The following MIB1 variants were observed in gnomAD, a reference collection of about 807,000 sequenced individuals.
MIB1 encodes E3 ubiquitin-protein ligase MIB1.
A neutral mutation model predicts 124.5 loss-of-function variants in MIB1; 278 were observed. The observed-to-expected ratio is 2.23, with a 90% CI of 2.02 to 2.47. MIB1 has a LOEUF of 2.47. MIB1 is among the 30% of genes most tolerant of loss of function. The pLI, the probability that MIB1 is intolerant of heterozygous loss-of-function variation, is 0.00. For missense variants in MIB1, 957 were observed against 1,254.4 expected (o/e 0.76, Z 3.58); for synonymous variants, 446 against 429.4 (o/e 1.04, Z -0.48).
At chr18:21,778,743 T>C (rs891839124) in intron 5 of MIB1, among the ~76,000 whole-genome samples, 2 of 152,146 alleles carry the variant, frequency 1.3e-5, no homozygotes, top group African/African-American at 2.4e-5. Flanking sequence ...TCCAAATCAT[T>C]TGACTTGCCT....
At position 21,801,645 on chromosome 18, in the gene MIB1, T is replaced by C. The variant is rs914714083; in HGVS notation, c.1371+1671T>C. On this transcript the variant is annotated intron_variant, in intron 9 of 20. Coordinates refer to ENST00000261537, the MANE Select transcript of MIB1 (RefSeq NM_020774.4). ...TGGTCTTTCCCAGTCCCTCTTTACC[T>C]TACATGTAATTTTTATATTTTTTCA... Among the ~76,000 whole-genome samples the C allele has an allele frequency of 2.6e-5, 4 of 152,298 alleles. No homozygotes were observed. In the South Asian group the frequency reaches 6.2e-4, roughly 24 times the overall value.
At position 21,866,990 on chromosome 18, in the gene MIB1, T is replaced by A. The variant is rs1477219256; in HGVS notation, c.*2324T>A. 6.6e-6 allele frequency: 1 copy of A among 152,656 alleles called. No individual in the cohort carries two copies. Among genetic ancestry groups the A allele is most frequent in the Non-Finnish European group, 1.5e-5 (1 of 68,044 alleles). The allele number at this position is 152,656 out of a possible 1,614,324, so 9.5% of individuals were successfully genotyped here. Reference sequence around the variant, plus strand: ...TCTCTGAATCTGCTACCTCTTATTATATGTCCCTTAGCAGTACTTTTCCAG... The same window carrying A: ...TCTCTGAATCTGCTACCTCTTATTAAATGTCCCTTAGCAGTACTTTTCCAG... On this transcript the variant is annotated 3_prime_UTR_variant, in exon 21 of 21. Coordinates refer to ENST00000261537, the MANE Select transcript of MIB1 (RefSeq NM_020774.4).
At position 21,768,944 on chromosome 18, in the gene MIB1, G is replaced by A. The variant is rs533298281; in HGVS notation, c.531+192G>A. ...TTTGTAAGCATTGATGTTCCTTAGA[G>A]GGTCATTAGGTAGGTTTTACCTTCC... On this transcript the variant is annotated intron_variant, in intron 3 of 20. Coordinates refer to ENST00000261537, the MANE Select transcript of MIB1 (RefSeq NM_020774.4). Among the ~76,000 whole-genome samples, 4 of 152,224 alleles carry A rather than the reference G, an allele frequency of 2.6e-5. No individual in the cohort carries two copies. The South Asian group carries it at 8.3e-4, about 32-fold the overall frequency.
intron 7 of MIB1, among the ~76,000 whole-genome samples, chr18:21,797,343 A>C (rs926511037): frequency 3.9e-5 from 6 of 152,126 alleles, no homozygotes; most frequent in Non-Finnish European, 5.9e-5. Context: ...TTTCCATAAT[A>C]AAAAGTTGAG....
intron 1 of MIB1, among the ~76,000 whole-genome samples, chr18:21,733,374 C>T (rs926532799): frequency 1.3e-5 from 2 of 152,196 alleles, no homozygotes; most frequent in Non-Finnish European, 2.9e-5. Flanking sequence ...CTCGCCTCAG[C>T]CCCTGAAGTA....
intron 1 of MIB1, among the ~76,000 whole-genome samples, chr18:21,751,053 C>T (rs1373381004): frequency 6.6e-6 from 1 of 151,620 alleles, no homozygotes; most frequent in Non-Finnish European, 1.5e-5. Context: ...TAAAAATTAG[C>T]CCACCATGGT....
chr18:21,791,421 G>C lies in MIB1; in HGVS notation c.956G>C (p.Ser319Thr). ...CTCACTAAAGCGAACATTGTCCGAA[G>C]TGGAGATGCTGCTCAGGGTGCAGAA... ...AVLTKANIVR[S>T]GDAAQGAEGG... Residue 319 changes from serine (S) to threonine (T), a missense_variant, in exon 7 of 21, where the codon AGT (serine) becomes ACT (threonine). Physicochemically the swap from Ser to Thr is moderately conservative, Grantham distance 58. Transcript: ENST00000261537. 6.2e-7 allele frequency: 1 copy of C among 1,613,846 alleles called. No individual in the cohort carries two copies. The highest frequency in any genetic ancestry group is 1.3e-5 in the African/African-American group (1 of 75,038).
At chr18:21,819,209 T>C (rs2041857735) in intron 11 of MIB1, among the ~76,000 whole-genome samples, 1 of 152,192 alleles carries the variant, frequency 6.6e-6, no homozygotes, top group Non-Finnish European at 1.5e-5. Flanking sequence ...GGCTAATTTT[T>C]AAAATTTTTT....
At chr18:21,822,847 C>G (rs2041891075) in intron 12 of MIB1, among the ~76,000 whole-genome samples, 1 of 152,056 alleles carries the variant, frequency 6.6e-6, no homozygotes, top group Non-Finnish European at 1.5e-5. Context: ...CATTTGTAAT[C>G]CCAGCGACTT....
At chr18:21,769,011 T>C (rs778711547) in intron 3 of MIB1, among the ~76,000 whole-genome samples, 27 of 152,296 alleles carry the variant, frequency 1.8e-4, no homozygotes, top group Middle Eastern at 3.4e-3. Flanking sequence ...CCTAGCATGC[T>C]TTTCTGAACG....
chr18:21,844,088 T>C lies in MIB1; in HGVS notation c.2050-4T>C, dbSNP rs2054631154. On this transcript the variant is annotated splice_polypyrimidine_tract_variant and splice_region_variant and intron_variant, in intron 14 of 20. Coordinates refer to ENST00000261537, the MANE Select transcript of MIB1 (RefSeq NM_020774.4). ...TGCCAAAATGAGACATCTTTCTCTTTTAGCTTTTGGTCCGTGCAGGTGCCA... is the reference window on the plus strand; with the variant it reads ...TGCCAAAATGAGACATCTTTCTCTTCTAGCTTTTGGTCCGTGCAGGTGCCA... 6 of 1,613,238 alleles carry C rather than the reference T, an allele frequency of 3.7e-6. No individual in the cohort carries two copies. In the African/African-American group the frequency reaches 5.3e-5, roughly 14 times the overall value.
intron 13 of MIB1, among the ~76,000 whole-genome samples, chr18:21,841,959 T>C (rs1598638115): frequency 6.6e-6 from 1 of 151,284 alleles, no homozygotes; most frequent in African/African-American, 2.4e-5. Flanking sequence ...ATGTGAGAAA[T>C]AGACATGATA....
At chr18:21,839,831 G>A (rs2042065782) in intron 13 of MIB1, among the ~76,000 whole-genome samples, 1 of 152,160 alleles carries the variant, frequency 6.6e-6, no homozygotes, top group Non-Finnish European at 1.5e-5. Context: ...AAAGTCTGTT[G>A]GGAGTTTGAT....
At chr18:21,828,422 G>A (rs1008562244) in intron 12 of MIB1, 2 of 151,844 alleles carry the variant, frequency 1.3e-5, no homozygotes, top group African/African-American at 4.8e-5. Context: ...TGAGAAGGAA[G>A]GACAAGGGCC....
At chr18:21,733,337 C>T (rs955604096) in intron 1 of MIB1, among the ~76,000 whole-genome samples, 1 of 152,168 alleles carries the variant, frequency 6.6e-6, no homozygotes, top group African/African-American at 2.4e-5. Flanking sequence ...TTCCTACAGC[C>T]TTGAACTCCT....
chr18:21,828,025 G>A (rs911968347), intron 12 of MIB1: 2 of 151,808 alleles, frequency 1.3e-5, no homozygotes, highest in East Asian at 3.9e-4. Context: ...TTTGCTAAGA[G>A]CATTATTTGG....
Position 21,865,041 on chromosome 18 carries a change from G to T in MIB1, c.*375G>T, listed in dbSNP as rs1405344263. Reference sequence around the variant, plus strand: ...ATCAGTTATCCTTCATTTCATCGTGGTTTTACACAGTGAGTTGATAACAGG... The same window carrying T: ...ATCAGTTATCCTTCATTTCATCGTGTTTTTACACAGTGAGTTGATAACAGG... On this transcript the variant is annotated 3_prime_UTR_variant, in exon 21 of 21. Coordinates refer to ENST00000261537, the MANE Select transcript of MIB1 (RefSeq NM_020774.4). 2.5e-5 allele frequency: 4 copies of T among 157,550 alleles called. No individual in the cohort carries two copies. Among genetic ancestry groups the T allele is most frequent in the Admixed American group, 1.3e-4 (2 of 15,840 alleles). The allele number at this position is 157,550 out of a possible 1,614,324, so 9.8% of individuals were successfully genotyped here. A position where few individuals can be genotyped will look rare whatever the true frequency, so the allele number is the denominator to read the frequency against.
chr18:21,841,468 G>C (rs995253276), intron 13 of MIB1, among the ~76,000 whole-genome samples: 1 of 152,074 alleles, frequency 6.6e-6, no homozygotes, highest in Non-Finnish European at 1.5e-5. Context: ...TTAGCAAATA[G>C]GCAAGTGAAA....
chr18:21,853,357 C>CT, intron 18 of MIB1, 139 bp downstream of exon 18: 1 of 625,592 alleles, frequency 1.6e-6, no homozygotes, highest in Non-Finnish European at 2.8e-6. Context: ...CCTTCTATTT[C>CT]TTTCTCTGTA....
Sources: allele counts gnomAD v4.1 joint callset (sites outside exome capture counted in the v4.1 genomes callset), GRCh38; gene constraint gnomAD v4.1.1; transcripts MANE v1.5; gene names NCBI Gene and HGNC (gene_info 2026-07-23, HGNC 2026-07-21).